Variants in STK32C observed in about 807,000 individuals in gnomAD.
STK32C encodes serine/threonine-protein kinase 32C.
A neutral mutation model predicts 56.5 loss-of-function variants in STK32C; 31 were observed. The observed-to-expected ratio is 0.55, with a 90% CI of 0.41 to 0.74. The LOEUF (loss-of-function observed/expected upper bound fraction) is 0.74, where lower values mean the gene tolerates loss of function less well. STK32C is among the 30% of genes least tolerant of loss of function. The probability of loss-of-function intolerance (pLI) is 0.00; values close to 1 mark genes in which losing one functional copy is unlikely to be tolerated. For synonymous variants in STK32C, 309 were observed against 289.4 expected, an observed-to-expected ratio of 1.07 and a Z score of -0.69; for missense variants, 544 against 676.9, an observed-to-expected ratio of 0.80 and a Z score of 2.18.
intron 1 of STK32C, among the ~76,000 whole-genome samples, chr10:132,275,096 CA>C (rs1225160378): frequency 6.6e-6 from 1 of 152,148 alleles, no homozygotes; most frequent in Non-Finnish European, 1.5e-5. Flanking sequence ...TGGAAGCACC[CA>C]GGGGGCCCAG....
chr10:132,306,065 G>A (rs2066049466), intron 1 of STK32C, among the ~76,000 whole-genome samples: 1 of 152,208 alleles, frequency 6.6e-6, no homozygotes, highest in Admixed American at 6.5e-5. Context: ...CCTTTCTAGT[G>A]ATCCTTGAAT....
intron 1 of STK32C, among the ~76,000 whole-genome samples, chr10:132,271,542 T>C (rs2064824669): frequency 6.6e-6 from 1 of 152,024 alleles, no homozygotes; most frequent in East Asian, 1.9e-4. Context: ...TGTGGCCAAA[T>C]CTGACCCCAC....
intron 1 of STK32C, among the ~76,000 whole-genome samples, chr10:132,269,678 A>G (rs1280972666): frequency 6.6e-6 from 1 of 152,206 alleles, no homozygotes; most frequent in Non-Finnish European, 1.5e-5. Flanking sequence ...GCCCAACCAC[A>G]TCCACCTGGG....
intron 2 of STK32C, among the ~76,000 whole-genome samples, chr10:132,244,389 G>A (rs1396223747): frequency 6.6e-6 from 1 of 152,216 alleles, no homozygotes; most frequent in East Asian, 1.9e-4. Context: ...TACAGATGGT[G>A]GGCAGGGCTG....
chr10:132,230,286 G>A (rs142364345), intron 2 of STK32C, among the ~76,000 whole-genome samples: 2,345 of 152,354 alleles, frequency 0.015, 67 homozygotes, highest in African/African-American at 0.051. Flanking sequence ...CCCCTGGCAG[G>A]ACCCCCTCCT....
At chr10:132,248,117 C>T (rs1228157718) in intron 1 of STK32C, among the ~76,000 whole-genome samples, 1 of 152,214 alleles carries the variant, frequency 6.6e-6, no homozygotes, top group African/African-American at 2.4e-5. Context: ...GAGGCTGCTC[C>T]AGCACCAGCA....
intron 1 of STK32C, among the ~76,000 whole-genome samples, chr10:132,327,599 C>T (rs2066525707): frequency 6.6e-6 from 1 of 151,996 alleles, no homozygotes; most frequent in Non-Finnish European, 1.5e-5. Flanking sequence ...CCTTAGCCAC[C>T]CGAGTACCTG....
intron 10 of STK32C, among the ~76,000 whole-genome samples, chr10:132,221,814 ACT>A (rs2062673451): frequency 3.0e-5 from 4 of 131,598 alleles, no homozygotes; most frequent in East Asian, 2.3e-4. Context: ...CCCTGCACAC[ACT>A]CACAACTGAC....
intron 10 of STK32C, among the ~76,000 whole-genome samples, chr10:132,212,707 C>T (rs757683356): frequency 4.6e-5 from 7 of 152,246 alleles, no homozygotes; most frequent in African/African-American, 9.6e-5. Context: ...ATGACTCCGA[C>T]GAAGAAACAC....
In STK32C at chr10:132,222,874, C is replaced by A; in HGVS notation, c.1106G>T (p.Gly369Val). 1 of 1,578,958 alleles carries A rather than the reference C, an allele frequency of 6.3e-7. No homozygotes were observed. ...DHLSEKRVEP[G>V]FVPNKGRLHC... ...CCACAGGCTTACGTTGGGCACGAAG[C>A]CCGGCTCCACCCTCTTCTCGCTCAG... The change falls in exon 9 of 12, where the codon GGC (glycine) becomes GTC (valine). Residue 369 changes from glycine (G) to valine (V), a missense_variant. By Grantham distance (109) the Gly-to-Val change is moderately radical (BLOSUM62 -3). Transcript: ENST00000298630.
intron 7 of STK32C, 100 bp downstream of exon 7, chr10:132,225,133 G>A: frequency 2.3e-6 from 2 of 877,516 alleles, no homozygotes; most frequent in Non-Finnish European, 3.5e-6. Flanking sequence ...AGACATCCCT[G>A]CGCACCTGGA....
chr10:132,213,604 AAAC>A (rs1303950269), intron 10 of STK32C, among the ~76,000 whole-genome samples: 1 of 152,262 alleles, frequency 6.6e-6, no homozygotes, highest in Non-Finnish European at 1.5e-5. Context: ...AGCTTTCAAC[AAAC>A]ATTACAAGGC....
chr10:132,273,451 G>A (rs930994390), intron 1 of STK32C, among the ~76,000 whole-genome samples: 5 of 152,230 alleles, frequency 3.3e-5, no homozygotes, highest in African/African-American at 1.2e-4. Flanking sequence ...GTAGATGAGT[G>A]AATGAAAACA....
In STK32C at chr10:132,255,733, A is replaced by AG. The variant is rs2064095180; in HGVS notation, c.263-9779dup. ...AGGTCAGAGATCAGGAGAGGGGATG[A>AG]GGGTGTGGGTGCCGGCCTCTGACCC... On this transcript the variant is annotated intron_variant, in intron 1 of 11. Transcript: ENST00000298630. This position sits in a 1 kb window ranked among gnomAD's most constrained non-coding sequence, Gnocchi z 4.6. 6.6e-6 allele frequency among the ~76,000 whole-genome samples: 1 copy of AG among 152,152 alleles called. No homozygotes were observed. Among genetic ancestry groups the AG allele is most frequent in the Non-Finnish European group, 1.5e-5 (1 of 68,022 alleles).
chr10:132,251,814 A>C (rs3902240), intron 1 of STK32C, among the ~76,000 whole-genome samples: 2,050 of 62,126 alleles, frequency 0.033, 71 homozygotes, highest in African/African-American at 0.049. Flanking sequence ...CTGGGGCCTC[A>C]GACCCTCCAC....
intron 1 of STK32C, chr10:132,249,146 G>A (rs1314292245): frequency 1.6e-5 from 7 of 437,762 alleles, no homozygotes; most frequent in South Asian, 6.4e-5. Context: ...GGGCGTGCAG[G>A]GGGCGGGGCG....
rs774371580 is a variant in STK32C, at chr10:132,226,977, A to C, written c.471-9T>G. On this transcript the variant is annotated splice_polypyrimidine_tract_variant and intron_variant, in intron 3 of 11. Transcript: ENST00000298630. ...CGTCCTGGAAGGAGTACCTGTGGGC[A>C]CCGATGGAAGGCCTGTTGTGCGCAC... The C allele has an allele frequency of 7.4e-6, 12 of 1,612,802 alleles. No individual in the cohort carries two copies. The highest frequency in any genetic ancestry group is 3.3e-5 in the Admixed American group (2 of 59,990).
At chr10:132,248,523 C>A (rs1399869910) in intron 1 of STK32C, among the ~76,000 whole-genome samples, 1 of 152,248 alleles carries the variant, frequency 6.6e-6, no homozygotes, top group African/African-American at 2.4e-5. Flanking sequence ...TGCCGCTGCC[C>A]AGAGACCCCT....
At position 132,303,970 on chromosome 10, in the gene STK32C, C is replaced by T. The variant is rs1054999020; in HGVS notation, c.262+3602G>A. On this transcript the variant is annotated intron_variant, in intron 1 of 11. Transcript: ENST00000298630. The stretch of plus-strand genomic sequence containing the variant: ...TCAGTCTCTCTGCTTCCCCTCTGCC[C>T]GGTTACCCCACGACAGCATGGCCCA... 1.8e-4 allele frequency among the ~76,000 whole-genome samples: 27 copies of T among 152,314 alleles called. 1 individual carries two copies. Among genetic ancestry groups the T allele is most frequent in the Admixed American group, 2.0e-4 (3 of 15,298 alleles).
Sources: gnomAD v4.1 joint callset for allele counts (sites outside exome capture counted in the v4.1 genomes callset) on GRCh38, gnomAD v4.1.1 for gene constraint, Gnocchi (gnomAD v3.1) non-coding constraint, MANE v1.5 for transcripts, NCBI Gene and HGNC (gene_info 2026-07-23, HGNC 2026-07-21) for gene names.